Variants in MAP2 observed in about 807,000 individuals in gnomAD.
MAP2 encodes the protein microtubule-associated protein 2.
A neutral mutation model predicts 137.6 loss-of-function variants in MAP2; 14 were observed. The ratio of observed to expected loss-of-function variants is 0.10; its 90% CI spans 0.07 to 0.16. The LOEUF is 0.16. Among genes scored for constraint, MAP2 ranks in the 10% least tolerant of loss-of-function variants. The pLI, the probability that MAP2 is intolerant of heterozygous loss-of-function variation, is 1.00. For synonymous variants in MAP2, 786 were observed against 782.3 expected (o/e 1.00, Z -0.08); for missense variants, 2,088 against 2,191.5 (o/e 0.95, Z 0.94).
rs1202899945 is a variant in MAP2, at chr2:209,693,736, C to T, written c.1566C>T (p.Thr522=). ...MTSKTLEKAM[T]EPSALIEKSS... ...CTAAAACACTGGAGAAAGCCATGAC[C>T]GAACCATCTGCATTAATTGAAAAGA... Residue 522 remains threonine, a synonymous_variant, in exon 8 of 16, where the codon ACC becomes ACT. Transcript: ENST00000682079. 1.4e-5 allele frequency: 23 copies of T among 1,613,138 alleles called. No individual in the cohort carries two copies. Among genetic ancestry groups the T allele is most frequent in the Non-Finnish European group, 1.7e-5 (20 of 1,179,824 alleles).
intron 2 of MAP2, among the ~76,000 whole-genome samples, chr2:209,525,961 T>C (rs1014402204): frequency 6.6e-6 from 1 of 152,164 alleles, no homozygotes; most frequent in African/African-American, 2.4e-5. Flanking sequence ...GCATTTATTT[T>C]CCCCCATTAC....
At position 209,693,413 on chromosome 2, in the gene MAP2, A is replaced by G; in HGVS notation, c.1243A>G (p.Ile415Val). 1 of 1,613,332 alleles carries G rather than the reference A, an allele frequency of 6.2e-7. No homozygotes were observed. The highest frequency in any genetic ancestry group is 8.5e-7 in the Non-Finnish European group (1 of 1,179,844). ...AGTTTTAGAGGAAGAAAAGGAGGCC[A>G]TAAATCAAGAGACTGTGCAGCAAAG... ...GKVLEEEKEA[I>V]NQETVQQRDT... The change falls in exon 8 of 16, where the codon ATA becomes GTA. Residue 415 changes from isoleucine to valine, a missense_variant. Coordinates refer to ENST00000682079, the MANE Select transcript of MAP2 (RefSeq NM_001375505.1).
chr2:209,434,292 T>C (rs535124295), intron 1 of MAP2, among the ~76,000 whole-genome samples: 3 of 152,090 alleles, frequency 2.0e-5, no homozygotes, highest in South Asian at 4.2e-4. Flanking sequence ...TTCCTAAGCA[T>C]GCCCTCAATA....
chr2:209,701,901 A>T (rs2061860499), intron 11 of MAP2, among the ~76,000 whole-genome samples: 1 of 152,070 alleles, frequency 6.6e-6, no homozygotes, highest in Admixed American at 6.6e-5. Flanking sequence ...AACATCTATT[A>T]GTTATATGAT....
At chr2:209,645,017 T>C (rs2094324966) in intron 4 of MAP2, among the ~76,000 whole-genome samples, 1 of 152,212 alleles carries the variant, frequency 6.6e-6, no homozygotes, top group South Asian at 2.1e-4. Flanking sequence ...TTCTTTCCTT[T>C]AAATAGTCTG....
At chr2:209,440,234 C>G (rs967335476) in intron 1 of MAP2, among the ~76,000 whole-genome samples, 6 of 151,410 alleles carry the variant, frequency 4.0e-5, no homozygotes, top group African/African-American at 1.5e-4. Context: ...TTGAGTAAAT[C>G]AATGAATAGT....
At chr2:209,543,049 C>T (rs2067333768) in intron 2 of MAP2, among the ~76,000 whole-genome samples, 2 of 152,196 alleles carry the variant, frequency 1.3e-5, no homozygotes, top group Admixed American at 1.3e-4. Flanking sequence ...TAAACTTAGT[C>T]ATTCCTAGTT....
At chr2:209,513,520 G>A (rs2150296651) in intron 2 of MAP2, among the ~76,000 whole-genome samples, 1 of 151,960 alleles carries the variant, frequency 6.6e-6, no homozygotes, top group Middle Eastern at 3.4e-3. Context: ...ATAAACAATT[G>A]TATTACATAT....
At chr2:209,651,109 G>A (rs1441864544) in intron 4 of MAP2, among the ~76,000 whole-genome samples, 5 of 152,146 alleles carry the variant, frequency 3.3e-5, no homozygotes, top group Admixed American at 6.5e-5. Context: ...ACAACTCAGC[G>A]GAAACACAAT....
rs867476512 is a variant in MAP2, at chr2:209,732,384, C to T, written c.*1987C>T. 6.6e-6 allele frequency: 1 copy of T among 152,192 alleles called. No individual in the cohort carries two copies. The highest frequency in any genetic ancestry group is 1.5e-5 in the Non-Finnish European group (1 of 68,038). 9.4% of individuals were successfully genotyped at this position (152,192 alleles called of 1,614,324 possible). On this transcript the variant is annotated 3_prime_UTR_variant, in exon 16 of 16. Coordinates refer to ENST00000682079, the MANE Select transcript of MAP2 (RefSeq NM_001375505.1). ...AGCTAAGAGATTTTACACAGGCAAA[C>T]GTGTCTTAAACCATCTATAAATCAG...
chr2:209,730,260 C>G lies in MAP2; in HGVS notation c.5347C>G (p.Pro1783Ala). The G allele has an allele frequency of 6.2e-7, 1 of 1,614,078 alleles. No individual in the cohort carries two copies. The highest frequency in any genetic ancestry group is 8.5e-7 in the Non-Finnish European group (1 of 1,180,018). Reference sequence around the variant, plus strand: ...TGGGGCTGAGATCATTACACAGTCCCCAGGCAGATCCAGCGTGGCATCACC... The same window carrying G: ...TGGGGCTGAGATCATTACACAGTCCGCAGGCAGATCCAGCGTGGCATCACC... ...DHGAEIITQS[P>A]GRSSVASPRR... The change falls in exon 16 of 16, where the codon CCA (proline) becomes GCA (alanine). Residue 1783 changes from proline (P) to alanine (A), a missense_variant. Physicochemically the swap from Pro to Ala is conservative, Grantham distance 27 (BLOSUM62 -1). Transcript: ENST00000682079.
chr2:209,669,175 T>A (rs2047660694), intron 5 of MAP2, among the ~76,000 whole-genome samples: 1 of 152,088 alleles, frequency 6.6e-6, no homozygotes, highest in Admixed American at 6.6e-5. Context: ...AGAAAGCAGA[T>A]AAGGTTGATG....
At chr2:209,538,454 GT>G (rs1325556273) in intron 2 of MAP2, among the ~76,000 whole-genome samples, 1 of 149,824 alleles carries the variant, frequency 6.7e-6, no homozygotes, top group African/African-American at 2.5e-5. Context: ...TGAGGTTAAT[GT>G]CTGCTATTTT....
chr2:209,451,390 T>C (rs1327811463), intron 1 of MAP2, among the ~76,000 whole-genome samples: 1 of 152,086 alleles, frequency 6.6e-6, no homozygotes, highest in East Asian at 1.9e-4. Context: ...GGCCAGCTCT[T>C]TATTTCCCCC....
intron 1 of MAP2, among the ~76,000 whole-genome samples, chr2:209,496,438 T>C (rs2059768338): frequency 6.6e-6 from 1 of 152,216 alleles, no homozygotes; most frequent in African/African-American, 2.4e-5. Context: ...TTTTGGAACA[T>C]GTACCTCTGA....
chr2:209,482,306 CTG>C (rs1351239641), intron 1 of MAP2, among the ~76,000 whole-genome samples: 1 of 152,092 alleles, frequency 6.6e-6, no homozygotes, highest in Non-Finnish European at 1.5e-5. Flanking sequence ...GCATAAATGA[CTG>C]TCAGTAAGTT....
At chr2:209,636,306 G>C (rs996075867) in intron 4 of MAP2, among the ~76,000 whole-genome samples, 2 of 152,080 alleles carry the variant, frequency 1.3e-5, no homozygotes, top group African/African-American at 2.4e-5. Context: ...TGAATAAAAA[G>C]CAAAGGGCCA....
chr2:209,694,296 TAGATTCCATAGCCCTTGG>T lies in MAP2; in HGVS notation c.2128_2145del (p.Asp710_Gly715del). Reference sequence around the variant, plus strand: ...TCAATCAATTTGCCGATGTCTTGCCTAGATTCCATAGCCCTTGGATTTAACTTTGGTCGGGGACATGAT... The same window carrying T: ...TCAATCAATTTGCCGATGTCTTGCCTATTTAACTTTGGTCGGGGACATGAT... On this transcript the variant is annotated inframe_deletion, in exon 8 of 16. Transcript: ENST00000682079. 6.2e-7 allele frequency: 1 copy of T among 1,614,178 alleles called. No individual in the cohort carries two copies. The highest frequency in any genetic ancestry group is 1.3e-5 in the African/African-American group (1 of 75,048).
chr2:209,537,898 A>ATAC (rs2066233671), intron 2 of MAP2, among the ~76,000 whole-genome samples: 1 of 152,180 alleles, frequency 6.6e-6, no homozygotes, highest in South Asian at 2.1e-4. Flanking sequence ...AGAAATAATA[A>ATAC]TAATATCAAC....
Sources: gnomAD v4.1 joint callset for allele counts (sites outside exome capture counted in the v4.1 genomes callset) on GRCh38, gnomAD v4.1.1 for gene constraint, MANE v1.5 for transcripts, NCBI Gene and HGNC (gene_info 2026-07-23, HGNC 2026-07-21) for gene names.